The following COL13A1 variants were observed in gnomAD, a reference collection of about 807,000 sequenced individuals.
COL13A1 encodes collagen type XIII alpha 1 chain.
In COL13A1, 89 loss-of-function variants were observed where a neutral mutation model predicts 130.9. The observed-to-expected ratio is 0.68, with a 90% CI of 0.57 to 0.81. The LOEUF is 0.81. COL13A1 is among the 30% of genes least tolerant of loss of function. COL13A1 has a pLI of 0.00. For synonymous variants in COL13A1, 402 were observed against 341.6 expected, an observed-to-expected ratio of 1.18 and a Z score of -1.95; for missense variants, 879 against 934.6, an observed-to-expected ratio of 0.94 and a Z score of 0.78.
chr10:69,858,136 G>A lies in COL13A1; in HGVS notation c.365-9662G>A, dbSNP rs201857917. The stretch of plus-strand genomic sequence containing the variant: ...GTCTCAAAAAAAAAAAAAAAAAAAA[G>A]ATTGGTGCCTGGCACATGAGAAGAG... On this transcript the variant is annotated intron_variant, in intron 2 of 40. Transcript: ENST00000645393. 8.2e-3 allele frequency among the ~76,000 whole-genome samples: 471 copies of A among 57,662 alleles called. 1 individual carries two copies. The highest frequency in any genetic ancestry group is 0.01 in the Non-Finnish European group (237 of 23,314). The allele number at this position is 57,662 out of a possible 152,430, so 37.8% of individuals were successfully genotyped here.
intron 15 of COL13A1, among the ~76,000 whole-genome samples, chr10:69,904,009 C>T (rs2062466275): frequency 6.6e-6 from 1 of 152,182 alleles, no homozygotes; most frequent in Admixed American, 6.5e-5. Context: ...GCACAATGAC[C>T]CCTGCAATGC....
intron 6 of COL13A1, among the ~76,000 whole-genome samples, chr10:69,878,304 TTGCCCTGCCCTG>T (rs985541623): frequency 6.6e-6 from 1 of 152,178 alleles, no homozygotes; most frequent in African/African-American, 2.4e-5. Flanking sequence ...CTTCCCTGCC[TTGCCCTGCCCTG>T]ACAGCATGAG....
intron 34 of COL13A1, among the ~76,000 whole-genome samples, chr10:69,939,107 G>T (rs2136039754): frequency 6.6e-6 from 1 of 152,296 alleles, no homozygotes; most frequent in South Asian, 2.1e-4. Context: ...TGGGTACAGA[G>T]AAGTATTTTT....
intron 31 of COL13A1, among the ~76,000 whole-genome samples, chr10:69,934,990 A>C (rs1434862519): frequency 1.3e-5 from 2 of 152,154 alleles, no homozygotes; most frequent in Non-Finnish European, 2.9e-5. Flanking sequence ...TGCCCCACCT[A>C]GAGGGGAAAG....
intron 2 of COL13A1, among the ~76,000 whole-genome samples, chr10:69,848,792 G>A (rs894287649): frequency 2.6e-5 from 4 of 152,162 alleles, no homozygotes; most frequent in Admixed American, 1.3e-4. Flanking sequence ...GCCAGCTGGT[G>A]CCAAGGGGGT....
chr10:69,846,709 G>A (rs143202829), intron 2 of COL13A1, among the ~76,000 whole-genome samples: 3 of 152,304 alleles, frequency 2.0e-5, no homozygotes, highest in East Asian at 1.9e-4. Context: ...CCCAATAGGC[G>A]CCTCCTTAAA....
intron 35 of COL13A1, among the ~76,000 whole-genome samples, chr10:69,942,001 C>T (rs1199867834): frequency 1.3e-5 from 2 of 152,222 alleles, no homozygotes; most frequent in Non-Finnish European, 2.9e-5. Context: ...AGTTAGCTGG[C>T]TGGAGCCACC....
At chr10:69,877,676 C>G (rs865870520) in intron 5 of COL13A1, 5 of 81,916 alleles carry the variant, frequency 6.1e-5, no homozygotes, top group Non-Finnish European at 7.5e-5. Context: ...CTCTCTCTGT[C>G]TCTCTCTCTC....
chr10:69,850,288 C>A (rs1417661587), intron 2 of COL13A1, among the ~76,000 whole-genome samples: 1 of 150,124 alleles, frequency 6.7e-6, no homozygotes, highest in Non-Finnish European at 1.5e-5. Flanking sequence ...AAGGCAGATT[C>A]TGGACTCCAC....
At chr10:69,939,238 G>T (rs1265018242) in intron 34 of COL13A1, among the ~76,000 whole-genome samples, 1 of 152,192 alleles carries the variant, frequency 6.6e-6, no homozygotes, top group Non-Finnish European at 1.5e-5. Flanking sequence ...CCTTCTTAAG[G>T]GGAACCGTCC....
intron 15 of COL13A1, among the ~76,000 whole-genome samples, chr10:69,903,223 G>C (rs530636565): frequency 1.3e-5 from 2 of 152,386 alleles, no homozygotes; most frequent in East Asian, 1.9e-4. Context: ...GAAGGAGGTA[G>C]TGAGGGGTCA....
chr10:69,913,924 T>A (rs2063650185), intron 17 of COL13A1, among the ~76,000 whole-genome samples: 1 of 151,694 alleles, frequency 6.6e-6, no homozygotes, highest in Non-Finnish European at 1.5e-5. Context: ...CTTGCGAAAT[T>A]AAGAGAATTG....
Position 69,945,658 on chromosome 10 carries a change from T to C in COL13A1, c.1969-13T>C. On this transcript the variant is annotated splice_polypyrimidine_tract_variant and intron_variant, in intron 36 of 40. Transcript: ENST00000645393. Reference sequence around the variant, plus strand: ...GTCTGGCAGGATTCATGCATTTCTTTCTCCCATTTCAGGGCAGCAAAGGAG... The same window carrying C: ...GTCTGGCAGGATTCATGCATTTCTTCCTCCCATTTCAGGGCAGCAAAGGAG... 6.2e-7 allele frequency: 1 copy of C among 1,611,708 alleles called. No individual in the cohort carries two copies. Among genetic ancestry groups the C allele is most frequent in the Non-Finnish European group, 8.5e-7 (1 of 1,179,002 alleles).
intron 17 of COL13A1, among the ~76,000 whole-genome samples, chr10:69,911,775 G>C (rs1321560356): frequency 6.6e-6 from 1 of 152,262 alleles, no homozygotes; most frequent in Non-Finnish European, 1.5e-5. Context: ...TAAGGAAGTG[G>C]AGTGCTTTGC....
rs1840192187 is a variant in COL13A1 at position 69,802,228 on chromosome 10, C to A, written c.-196C>A. On this transcript the variant is annotated 5_prime_UTR_variant, in exon 1 of 41. In the 5' UTR this introduces an upstream ATG that the reference lacks. Coordinates refer to ENST00000645393, the MANE Select transcript of COL13A1 (RefSeq NM_001368882.1). ...TCACCTAGGTGTACCCCAATTACCGCTGGTTGTGCTTTTTCGGCACTTCCT... is the reference window on the plus strand; with the variant it reads ...TCACCTAGGTGTACCCCAATTACCGATGGTTGTGCTTTTTCGGCACTTCCT... 9 of 592,472 alleles carry A rather than the reference C, an allele frequency of 1.5e-5. No homozygotes were observed. Among genetic ancestry groups the A allele is most frequent in the Non-Finnish European group, 2.1e-5 (8 of 373,068 alleles). The allele number at this position is 592,472 out of a possible 1,614,324, so 36.7% of individuals were successfully genotyped here. A position where few individuals can be genotyped will look rare whatever the true frequency, so the allele number is the denominator to read the frequency against.
chr10:69,822,083 G>T (rs1009359365), intron 1 of COL13A1, among the ~76,000 whole-genome samples: 3 of 152,222 alleles, frequency 2.0e-5, no homozygotes, highest in African/African-American at 7.2e-5. Context: ...AGCATGAGGT[G>T]CAGGAAGATG....
At chr10:69,875,303 T>G (rs909901812) in intron 5 of COL13A1, 140 bp downstream of exon 5, 1 of 1,010,690 alleles carries the variant, frequency 9.9e-7, no homozygotes, top group African/African-American at 1.6e-5. Context: ...AGCCCCAGTG[T>G]GCTTTAGGGA....
At chr10:69,845,208 T>C (rs1221379853) in intron 2 of COL13A1, among the ~76,000 whole-genome samples, 2 of 116,930 alleles carry the variant, frequency 1.7e-5, no homozygotes, top group Non-Finnish European at 3.8e-5. Context: ...TTTTTTTTTT[T>C]CTGAGACAGA....
intron 2 of COL13A1, 131 bp downstream of exon 2, chr10:69,822,569 A>C: frequency 1.5e-6 from 1 of 649,006 alleles, no homozygotes. Flanking sequence ...GAGTGACAAT[A>C]TCTGTGGTTG....
Sources: gnomAD v4.1 joint callset for allele counts (sites outside exome capture counted in the v4.1 genomes callset) on GRCh38, gnomAD v4.1.1 for gene constraint, MANE v1.5 for transcripts, NCBI Gene and HGNC (gene_info 2026-07-23, HGNC 2026-07-21) for gene names.